The following PTBP3 variants were observed in gnomAD, a reference collection of about 807,000 sequenced individuals.
PTBP3 encodes polypyrimidine tract binding protein 3.
PTBP3 carries 20 observed loss-of-function variants against 58.7 expected under a neutral mutation model. The ratio of observed to expected loss-of-function variants is 0.34; its 90% CI spans 0.24 to 0.50. PTBP3 has a LOEUF of 0.50. Among genes scored for constraint, PTBP3 ranks in the 20% least tolerant of loss-of-function variants. The probability of loss-of-function intolerance (pLI) is 0.98; values close to 1 mark genes in which losing one functional copy is unlikely to be tolerated. For synonymous variants in PTBP3, 185 were observed against 219.8 expected (o/e 0.84, Z 1.40); for missense variants, 509 against 637.2 (o/e 0.80, Z 2.17).
intron 5 of PTBP3, among the ~76,000 whole-genome samples, 169 bp from the exon 6 acceptor site, chr9:112,252,957 T>A (rs1836190660): frequency 6.6e-6 from 1 of 152,208 alleles, no homozygotes; most frequent in Non-Finnish European, 1.5e-5. Flanking sequence ...CCCATGACTA[T>A]CTTACAACAA....
chr9:112,257,673 C>T (rs1358374023), intron 5 of PTBP3, among the ~76,000 whole-genome samples: 1 of 152,166 alleles, frequency 6.6e-6, no homozygotes, highest in East Asian at 1.9e-4. Context: ...GGCGCAGTGG[C>T]TCATGCCTGT....
chr9:112,242,439 T>C (rs1835698294), intron 7 of PTBP3: 1 of 152,250 alleles, frequency 6.6e-6, no homozygotes, highest in Non-Finnish European at 1.5e-5. Context: ...TATTTCCTTT[T>C]ATGGTTTGTG....
intron 1 of PTBP3, among the ~76,000 whole-genome samples, chr9:112,300,923 C>T (rs934145279): frequency 3.3e-5 from 5 of 151,848 alleles, no homozygotes; most frequent in African/African-American, 9.7e-5. Context: ...TAGGGAGACC[C>T]CATCTCTAAG....
intron 8 of PTBP3, among the ~76,000 whole-genome samples, chr9:112,233,191 C>T (rs969151691): frequency 8.6e-5 from 13 of 151,700 alleles, no homozygotes; most frequent in Non-Finnish European, 4.4e-5. Context: ...CCCCTCCAGT[C>T]CAACCCTGAC....
At chr9:112,297,705 C>G in intron 2 of PTBP3, 127 bp downstream of exon 2, 1 of 702,222 alleles carries the variant, frequency 1.4e-6, no homozygotes, top group Non-Finnish European at 2.2e-6. Context: ...AGTACTTTAC[C>G]GAAACAAATT....
upstream of PTBP3, among the ~76,000 whole-genome samples, chr9:112,334,410 TCA>T (rs1304679454): frequency 4.6e-5 from 7 of 152,304 alleles, no homozygotes; most frequent in East Asian, 7.7e-4. Flanking sequence ...AGTGATTTGC[TCA>T]CAGTTTCACA....
chr9:112,293,105 T>C (rs1828517609), intron 2 of PTBP3, among the ~76,000 whole-genome samples: 2 of 152,150 alleles, frequency 1.3e-5, no homozygotes, highest in African/African-American at 4.8e-5. Context: ...AAACATAATG[T>C]TGAATGAAAG....
At chr9:112,369,052 T>C in the PTBP3 span, among the ~76,000 whole-genome samples, 2 of 152,212 alleles carry the variant, frequency 1.3e-5, no homozygotes, top group Non-Finnish European at 2.9e-5. Flanking sequence ...AATTAAGGAT[T>C]GGGAACCTCC....
At chr9:112,308,258 C>A (rs1305088808) in intron 1 of PTBP3, among the ~76,000 whole-genome samples, 1 of 151,180 alleles carries the variant, frequency 6.6e-6, no homozygotes, top group Non-Finnish European at 1.5e-5. Flanking sequence ...AACTCCTGGG[C>A]TCAAGTGATC....
chr9:112,333,045 C>G (rs1830442472), intron 1 of PTBP3: 1 of 1,268,466 alleles, frequency 7.9e-7, no homozygotes. Context: ...ACAGCAACTC[C>G]CCCGGCAGGA....
At chr9:112,258,952 AT>A (rs995195561) in intron 5 of PTBP3, among the ~76,000 whole-genome samples, 11 of 152,026 alleles carry the variant, frequency 7.2e-5, no homozygotes, top group Admixed American at 5.2e-4. Flanking sequence ...TATACAGCTT[AT>A]TTTTTTGGAG....
chr9:112,372,906 T>C, the PTBP3 span, among the ~76,000 whole-genome samples: 5 of 151,856 alleles, frequency 3.3e-5, no homozygotes, highest in Admixed American at 1.3e-4. Flanking sequence ...TTTCTTTTTT[T>C]TTTTTTTTTG....
chr9:112,220,810 A>AAT lies in PTBP3; in HGVS notation c.*3039_*3040dup, dbSNP rs759253136. The AAT allele has an allele frequency of 2.7e-5, 26 of 976,900 alleles. No individual in the cohort carries two copies. The highest frequency in any genetic ancestry group is 2.9e-5 in the Non-Finnish European group (24 of 822,128). The allele number at this position is 976,900 out of a possible 1,614,324, so 60.5% of individuals were successfully genotyped here. On this transcript the variant is annotated 3_prime_UTR_variant, in exon 14 of 14. Transcript: ENST00000374257. ...TGTACTGCTATTTTTTAAAGTCCTG[A>AAT]ATATATATACTTTGTGTAGAAGTCA... is the stretch of plus-strand genomic sequence containing the variant.
chr9:112,255,205 G>T (rs112060468), intron 5 of PTBP3, among the ~76,000 whole-genome samples: 2 of 152,288 alleles, frequency 1.3e-5, no homozygotes, highest in African/African-American at 4.8e-5. Flanking sequence ...TGGGGGCTAG[G>T]AGAGTAGATG....
chr9:112,233,272 G>GGTGTGT (rs72086685), intron 8 of PTBP3, among the ~76,000 whole-genome samples: 104 of 144,408 alleles, frequency 7.2e-4, no homozygotes, highest in Middle Eastern at 3.6e-3. Context: ...TACACTGTAG[G>GGTGTGT]GTGTGTGTGT....
chr9:112,226,447 T>A (rs964473558), intron 12 of PTBP3, among the ~76,000 whole-genome samples: 2 of 152,178 alleles, frequency 1.3e-5, no homozygotes, highest in African/African-American at 4.8e-5. Flanking sequence ...CCCCCACAGC[T>A]TTTATCTCTT....
the PTBP3 span, among the ~76,000 whole-genome samples, chr9:112,369,524 C>G: frequency 2.4e-3 from 369 of 152,234 alleles, 1 homozygote; most frequent in African/African-American, 8.4e-3. Flanking sequence ...TGATTTTGAC[C>G]AATTTCTCCC....
intron 12 of PTBP3, among the ~76,000 whole-genome samples, chr9:112,225,755 A>G (rs547163763): frequency 9.2e-5 from 14 of 152,266 alleles, no homozygotes; most frequent in South Asian, 8.3e-4. Flanking sequence ...GATGTGGTAT[A>G]TTTAAAAAGC....
intron 6 of PTBP3, chr9:112,252,363 G>A (rs1236357641): frequency 9.8e-6 from 3 of 307,226 alleles, no homozygotes; most frequent in African/African-American, 2.3e-5. Flanking sequence ...ATGAAAGCAC[G>A]AGGGTAATGA....
Sources: gnomAD v4.1 joint callset for allele counts (sites outside exome capture counted in the v4.1 genomes callset) on GRCh38, gnomAD v4.1.1 for gene constraint, MANE v1.5 for transcripts, NCBI Gene and HGNC (gene_info 2026-07-23, HGNC 2026-07-21) for gene names.